Variants in SPRY3 observed in about 807,000 individuals in gnomAD.
SPRY3 encodes sprouty RTK signaling antagonist 3.
Under a neutral mutation model 20.2 loss-of-function variants are expected in SPRY3, and 15 were observed. That is an observed-to-expected ratio of 0.74 (90% CI 0.50 to 1.14). SPRY3 has a LOEUF of 1.14. SPRY3 is among the 50% of genes most tolerant of loss of function. SPRY3 has a pLI of 0.00. For missense variants in SPRY3, 364 were observed against 363.9 expected (o/e 1.00, Z 0.00); for synonymous variants, 143 against 136.5 (o/e 1.05, Z -0.33).
At chrX:155,692,666 C>A (rs749687517) in intron 2 of SPRY3, among the ~76,000 whole-genome samples, 37 of 111,075 alleles carry the variant, frequency 3.3e-4, no homozygotes, top group Non-Finnish European at 6.2e-4. Context: ...TCAGTGAAGC[C>A]ATCTGGACCT....
In SPRY3 at chrX:155,655,389, T is replaced by C. The variant is rs782324361; in HGVS notation, c.-440-1478T>C. Among the ~76,000 whole-genome samples the C allele has an allele frequency of 2.7e-5, 3 of 111,932 alleles. No homozygotes were observed. The East Asian group carries it at 8.4e-4, about 31-fold the overall frequency. On this transcript the variant is annotated intron_variant, in intron 1 of 3. Transcript: ENST00000675360. ...ATTCCCATTTGTCTATTTTTTGTTT[T>C]GTTTCATTTGATTTTGGGGACTTAG...
chrX:155,724,929 C>G (rs306918), intron 2 of SPRY3, among the ~76,000 whole-genome samples: 56,747 of 151,922 alleles, frequency 0.37, 7,691 homozygotes, highest in South Asian at 0.51. Flanking sequence ...AGTTTTTGCC[C>G]ATTCAGTATG....
At chrX:155,724,904 A>C (rs1243972371) in intron 2 of SPRY3, among the ~76,000 whole-genome samples, 2 of 152,196 alleles carry the variant, frequency 1.3e-5, no homozygotes. Flanking sequence ...GCCGGTTTTC[A>C]AAGGCAATGC....
chrX:155,633,447 C>G (rs1353786207), intron 1 of SPRY3, among the ~76,000 whole-genome samples: 11 of 108,234 alleles, frequency 1.0e-4, no homozygotes, highest in Non-Finnish European at 1.9e-4. Flanking sequence ...AGGATAGGTC[C>G]CCTTGATGAA....
chrX:155,696,853 A>G (rs182930335), intron 2 of SPRY3, among the ~76,000 whole-genome samples: 1 of 112,062 alleles, frequency 8.9e-6, no homozygotes, highest in African/African-American at 3.2e-5. Context: ...TCTCAAAACA[A>G]CTAGAACTTT....
chrX:155,680,145 GGT>G (rs774435204), intron 2 of SPRY3, among the ~76,000 whole-genome samples: 4,621 of 70,099 alleles, frequency 0.066, 68 homozygotes, highest in Non-Finnish European at 0.078. Flanking sequence ...AAGCAATGCT[GGT>G]GTGTGTGTGT....
chrX:155,705,960 C>T lies in SPRY3; in HGVS notation c.-282+48935C>T, dbSNP rs776739361. The stretch of plus-strand genomic sequence containing the variant: ...ACAATTCTGTCAACAGCTAGTAGAA[C>T]GAATAAACAGAAAATTAACAAGGAT... On this transcript the variant is annotated intron_variant, in intron 2 of 3. Transcript: ENST00000675360. Among the ~76,000 whole-genome samples the T allele has an allele frequency of 9.3e-5, 14 of 151,218 alleles. No homozygotes were observed. The East Asian group carries it at 2.3e-3, about 25-fold the overall frequency.
chrX:155,743,625 A>T (rs1327722372), intron 2 of SPRY3, among the ~76,000 whole-genome samples: 1 of 152,156 alleles, frequency 6.6e-6, no homozygotes, highest in Non-Finnish European at 1.5e-5. Flanking sequence ...CCAGAAAGTT[A>T]TCGAGAACCT....
At chrX:155,748,803 C>A (rs1342986668) in intron 2 of SPRY3, among the ~76,000 whole-genome samples, 1 of 151,836 alleles carries the variant, frequency 6.6e-6, no homozygotes. Context: ...ATAGGGCAAT[C>A]AGATTCTGCA....
intron 2 of SPRY3, among the ~76,000 whole-genome samples, chrX:155,754,892 G>T (rs2091277782): frequency 6.6e-6 from 1 of 151,688 alleles, no homozygotes. Context: ...GTTGTTCATT[G>T]CTAGTGTATA....
intron 3 of SPRY3, among the ~76,000 whole-genome samples, chrX:155,769,210 T>G (rs2091366324): frequency 6.6e-6 from 1 of 152,192 alleles, no homozygotes; most frequent in Non-Finnish European, 1.5e-5. Context: ...TCTCTAGCTG[T>G]GAAACAGTCT....
At chrX:155,628,981 C>CT (rs1293581107) in intron 1 of SPRY3, among the ~76,000 whole-genome samples, 13 of 109,779 alleles carry the variant, frequency 1.2e-4, no homozygotes, top group Non-Finnish European at 1.9e-4. Context: ...CATTTTTTTT[C>CT]TTTTTTCTGT....
rs1180666684 is a variant in SPRY3 at position 155,767,798 on chromosome X, C to T, written c.-281-164C>T. ...AAAGAGGAGGAGGTGAACAACTTAC[C>T]CTGCTGAGCTTTCTTTGGGAAATAC... On this transcript the variant is annotated intron_variant, in intron 2 of 3. Transcript: ENST00000675360. 14 of 135,378 alleles carry T rather than the reference C, an allele frequency of 1.0e-4. No individual in the cohort carries two copies. In the Admixed American group the frequency reaches 1.1e-3, roughly 10 times the overall value. The allele number at this position is 135,378 out of a possible 1,614,324, so 8.4% of individuals were successfully genotyped here.
chrX:155,700,109 T>G (rs1316397743), intron 2 of SPRY3, among the ~76,000 whole-genome samples: 2 of 107,084 alleles, frequency 1.9e-5, no homozygotes, highest in African/African-American at 6.8e-5. Context: ...AGACAACCAT[T>G]TTTGTCCATC....
chrX:155,715,219 A>G, intron 2 of SPRY3, among the ~76,000 whole-genome samples: 1 of 151,962 alleles, frequency 6.6e-6, no homozygotes. Flanking sequence ...CTCAGAGCCC[A>G]AGGTCCATGG....
intron 2 of SPRY3, among the ~76,000 whole-genome samples, chrX:155,699,119 ACT>A (rs2068127942): frequency 8.9e-6 from 1 of 111,770 alleles, no homozygotes; most frequent in Non-Finnish European, 1.9e-5. Context: ...AAGAAAGGTG[ACT>A]CTCTCTATTC....
Position 155,624,583 on chromosome X carries a change from T to C in SPRY3, c.-441+11936T>C, listed in dbSNP as rs782556192. 6.3e-4 allele frequency among the ~76,000 whole-genome samples: 70 copies of C among 110,539 alleles called. No homozygotes were observed. The Middle Eastern group carries it at 0.019, about 29-fold the overall frequency. On this transcript the variant is annotated intron_variant, in intron 1 of 3. Transcript: ENST00000675360. ...ATCATCTATCATCTATACATCTATT[T>C]GTGGCCATAGCAACACTACAAAATC...
intron 2 of SPRY3, among the ~76,000 whole-genome samples, chrX:155,737,514 C>T (rs575547683): frequency 2.6e-5 from 4 of 152,110 alleles, no homozygotes; most frequent in African/African-American, 7.2e-5. Context: ...GGCAATATAA[C>T]GCAGATGGGG....
chrX:155,780,426 T>C (rs1168047086), downstream of SPRY3: 1 of 166,906 alleles, frequency 6.0e-6, no homozygotes, highest in Non-Finnish European at 1.5e-5. Context: ...AGTACTTTAA[T>C]CCTCATCTTC....
Sources: allele counts gnomAD v4.1 joint callset (sites outside exome capture counted in the v4.1 genomes callset), GRCh38; gene constraint gnomAD v4.1.1; transcripts MANE v1.5; gene names NCBI Gene and HGNC (gene_info 2026-07-23, HGNC 2026-07-21).